DNASE1: variants seen among roughly 807,000 people sequenced by gnomAD.
DNASE1 encodes deoxyribonuclease 1.
Under a neutral mutation model 33.9 loss-of-function variants are expected in DNASE1, and 40 were observed. That is an observed-to-expected ratio of 1.18 (90% CI 0.92 to 1.54). DNASE1 has a LOEUF of 1.54. DNASE1 is among the 40% of genes most tolerant of loss of function. DNASE1 has a pLI of 0.00. For missense variants in DNASE1, 518 were observed against 372.6 expected (o/e 1.39, Z -3.21); for synonymous variants, 216 against 160.0 (o/e 1.35, Z -2.64).
intron 1 of DNASE1, among the ~76,000 whole-genome samples, chr16:3,637,080 A>G (rs2041890210): frequency 2.0e-5 from 3 of 151,956 alleles, no homozygotes; most frequent in Admixed American, 2.0e-4. Flanking sequence ...GTAGAGATTG[A>G]GCCAGTGCAC....
At chr16:3,639,487 G>A (rs1039114692), upstream of DNASE1, among the ~76,000 whole-genome samples, 2 of 152,150 alleles carry the variant, frequency 1.3e-5, no homozygotes, top group Non-Finnish European at 2.9e-5. Context: ...TTGGCCCTCA[G>A]TTCTGTCCTG....
chr16:3,612,352 G>C (rs2040912906), intron 1 of DNASE1, among the ~76,000 whole-genome samples: 1 of 152,034 alleles, frequency 6.6e-6, no homozygotes, highest in South Asian at 2.1e-4. Flanking sequence ...CCGGGTTCGA[G>C]CGGTTCTTGT....
At chr16:3,618,952 G>C (rs951068371) in intron 1 of DNASE1, among the ~76,000 whole-genome samples, 1 of 151,942 alleles carries the variant, frequency 6.6e-6, no homozygotes, top group Non-Finnish European at 1.5e-5. Context: ...AGACTGCCAG[G>C]GATCAAGTGA....
At position 3,615,624 on chromosome 16, in the gene DNASE1, G is replaced by T. The variant is rs573102799; in HGVS notation, c.-1359+3618G>T. ...AAGGTGCAGACAGTCCTTGTGTTTGGTAAACCTTACAGGGTTTATCTGAAA... is the reference window on the plus strand; with the variant it reads ...AAGGTGCAGACAGTCCTTGTGTTTGTTAAACCTTACAGGGTTTATCTGAAA... On this transcript the variant is annotated intron_variant and NMD_transcript_variant, in intron 1 of 11. Coordinates refer to the DNASE1 transcript ENST00000570769. 4.8e-4 allele frequency among the ~76,000 whole-genome samples: 73 copies of T among 152,294 alleles called. 1 individual carries two copies. Among genetic ancestry groups the T allele is most frequent in the African/African-American group, 1.7e-3 (72 of 41,562 alleles).
intron 1 of DNASE1, among the ~76,000 whole-genome samples, chr16:3,623,789 G>T (rs1175539753): frequency 6.6e-6 from 1 of 152,152 alleles, no homozygotes; most frequent in South Asian, 2.1e-4. Flanking sequence ...CATACAAGCG[G>T]CAAAGAAACA....
downstream of DNASE1, chr16:3,661,766 G>A (rs1430595811): frequency 5.5e-5 from 25 of 451,934 alleles, 1 homozygote; most frequent in East Asian, 5.0e-4. Context: ...CACAGGCTGG[G>A]ATGTGGCTAA....
chr16:3,661,838 G>T, downstream of DNASE1: 1 of 1,083,570 alleles, frequency 9.2e-7, no homozygotes, highest in Non-Finnish European at 1.2e-6. Flanking sequence ...CATGGGTGCA[G>T]CCTAAACTGC....
At position 3,635,861 on chromosome 16, in the gene DNASE1, T is replaced by A. The variant is rs538754721; in HGVS notation, c.-1358-4854T>A. The stretch of plus-strand genomic sequence containing the variant: ...CTTCTCTCAAGATTTTCTCTTTGTC[T>A]TTGATTTTCTGTAGTTTATTGTATG... On this transcript the variant is annotated intron_variant and NMD_transcript_variant, in intron 1 of 11. Transcript: ENST00000570769. Among the ~76,000 whole-genome samples the A allele has an allele frequency of 2.0e-5, 3 of 152,334 alleles. No individual in the cohort carries two copies. In the East Asian group the frequency reaches 5.8e-4, roughly 29 times the overall value.
chr16:3,656,059 C>T lies in DNASE1; in HGVS notation c.237-43C>T, dbSNP rs1186239631. ...TCGCTATCGGCAGCCAGAGGGGTCC[C>T]CTATGGCCCCCGCCACTGGGACCTT... On this transcript the variant is annotated intron_variant, in intron 3 of 8. Coordinates refer to ENST00000246949, the MANE Select transcript of DNASE1 (RefSeq NM_005223.4). 3 of 1,612,098 alleles carry T rather than the reference C, an allele frequency of 1.9e-6. No homozygotes were observed. In the South Asian group the frequency reaches 3.3e-5, roughly 18 times the overall value.
At chr16:3,664,598 T>C in exon 10 of DNASE1, 1 of 893,904 alleles carries the variant, frequency 1.1e-6, no homozygotes, top group Non-Finnish European at 1.6e-6. Context: ...GGTAGTGGAC[T>C]CGGGGGTTGT....
intron 1 of DNASE1, among the ~76,000 whole-genome samples, chr16:3,622,949 C>T (rs1023309792): frequency 3.9e-5 from 6 of 152,090 alleles, no homozygotes; most frequent in African/African-American, 1.4e-4. Flanking sequence ...ACTACAAGGC[C>T]TCTTTTGGGA....
chr16:3,662,888 G>A (rs373228323), downstream of DNASE1: 49 of 1,613,612 alleles, frequency 3.0e-5, no homozygotes, highest in African/African-American at 8.0e-5. Context: ...TCACCTTCAC[G>A]TTGGTGACAC....
chr16:3,624,569 T>C (rs2041439293), intron 1 of DNASE1, among the ~76,000 whole-genome samples: 1 of 152,192 alleles, frequency 6.6e-6, no homozygotes, highest in Non-Finnish European at 1.5e-5. Flanking sequence ...CCTGGAGCAG[T>C]CCAACTGGGT....
chr16:3,629,168 T>A (rs1434089979), intron 1 of DNASE1, among the ~76,000 whole-genome samples: 5 of 123,344 alleles, frequency 4.1e-5, no homozygotes, highest in Non-Finnish European at 8.3e-5. Flanking sequence ...CAAGACTAAG[T>A]CTCAAAAAAA....
rs1389576515 is a variant in DNASE1, at chr16:3,632,131, G to A, written c.-1358-8584G>A. 7.2e-5 allele frequency among the ~76,000 whole-genome samples: 11 copies of A among 152,222 alleles called. 1 individual carries two copies. The highest frequency in any genetic ancestry group is 6.2e-4 in the South Asian group (3 of 4,822). ...CTGCTAAGGCGTGTTTTATGGACCC[G>A]AATGTGATCTATCTTGGTGAATGTT... On this transcript the variant is annotated intron_variant and NMD_transcript_variant, in intron 1 of 11. Coordinates refer to the DNASE1 transcript ENST00000570769.
chr16:3,640,517 A>G (rs2042000719), upstream of DNASE1, among the ~76,000 whole-genome samples: 1 of 152,176 alleles, frequency 6.6e-6, no homozygotes, highest in Admixed American at 6.5e-5. Flanking sequence ...ACTGTCCTGC[A>G]CTGTTTTCCA....
At chr16:3,638,104 A>AGTGTGT (rs58884007), upstream of DNASE1, among the ~76,000 whole-genome samples, 6,679 of 143,500 alleles carry the variant, frequency 0.047, 139 homozygotes, top group African/African-American at 0.059. Context: ...AGTTTTTGTG[A>AGTGTGT]GTGTGTGTGT....
chr16:3,658,844 C>T (rs370413693), downstream of DNASE1: 7 of 1,613,954 alleles, frequency 4.3e-6, no homozygotes, highest in African/African-American at 8.0e-5. Context: ...GCAGCTGATT[C>T]AGCTTCTTGA....
At chr16:3,657,689 G>A (rs566319370) in intron 7 of DNASE1, 31 bp from the exon 8 acceptor site, 3 of 1,612,972 alleles carry the variant, frequency 1.9e-6, no homozygotes, top group East Asian at 2.2e-5. Flanking sequence ...TGTGAAAGGG[G>A]AACCTACTTT....
Sources: gnomAD v4.1 joint callset for allele counts (sites outside exome capture counted in the v4.1 genomes callset) on GRCh38, gnomAD v4.1.1 for gene constraint, MANE v1.5 for transcripts, NCBI Gene and HGNC (gene_info 2026-07-23, HGNC 2026-07-21) for gene names.